Variants in EEPD1 observed in about 807,000 individuals in gnomAD.
EEPD1 encodes endonuclease/exonuclease/phosphatase family domain containing 1, also known as endonuclease/exonuclease/phosphatase family domain-containing protein 1.
EEPD1 carries 17 observed loss-of-function variants against 46.3 expected under a neutral mutation model. The ratio of observed to expected loss-of-function variants is 0.37; its 90% CI spans 0.25 to 0.55. EEPD1 has a LOEUF of 0.55. Among genes scored for constraint, EEPD1 ranks in the 20% least tolerant of loss-of-function variants. EEPD1 has a pLI of 0.83. For missense variants in EEPD1, 673 were observed against 745.6 expected (o/e 0.90, Z 1.13); for synonymous variants, 313 against 315.6 (o/e 0.99, Z 0.09).
chr7:36,182,654 C>T (rs1034894597), intron 2 of EEPD1, among the ~76,000 whole-genome samples: 4 of 152,262 alleles, frequency 2.6e-5, no homozygotes, highest in African/African-American at 7.2e-5. Context: ...TTCACCTCTA[C>T]AAGGAGGGTG....
chr7:36,285,269 G>A (rs1583478799), intron 5 of EEPD1, among the ~76,000 whole-genome samples: 1 of 152,196 alleles, frequency 6.6e-6, no homozygotes, highest in Admixed American at 6.5e-5. Context: ...GGAATGGCTG[G>A]ATTCAAGGGC....
At chr7:36,286,287 A>T (rs1787341438) in intron 5 of EEPD1, among the ~76,000 whole-genome samples, 1 of 152,206 alleles carries the variant, frequency 6.6e-6, no homozygotes. Flanking sequence ...GATGGGGCTC[A>T]TCTCCTCAGG....
chr7:36,250,471 G>A (rs1024307291), intron 3 of EEPD1, among the ~76,000 whole-genome samples: 5 of 152,066 alleles, frequency 3.3e-5, no homozygotes, highest in African/African-American at 1.2e-4. Flanking sequence ...AACAACCTAT[G>A]GCCAGTCTGC....
rs1405495180 is a variant in EEPD1, at chr7:36,287,642, G to C, written c.1180G>C (p.Gly394Arg). The C allele has an allele frequency of 6.2e-7, 1 of 1,613,500 alleles. No homozygotes were observed. Among genetic ancestry groups the C allele is most frequent in the Non-Finnish European group, 8.5e-7 (1 of 1,179,692 alleles). Residue 394 changes from glycine to arginine, a missense_variant, in exon 6 of 8, where the codon GGA (glycine) becomes CGA (arginine). Physicochemically the swap from Gly to Arg is moderately radical, Grantham distance 125. Transcript: ENST00000242108. ...TGCTTTGTTTCCTGCTGCCTAGGTGGGAAGTCACGACCTGACCCTTGTTAA... is the reference window on the plus strand; with the variant it reads ...TGCTTTGTTTCCTGCTGCCTAGGTGCGAAGTCACGACCTGACCCTTGTTAA... Reference protein sequence around the residue: ...PSPYLGRFKVGSHDLTLVNLH... With the variant: ...PSPYLGRFKVRSHDLTLVNLH...
At chr7:36,191,866 A>C (rs1785466858) in intron 2 of EEPD1, among the ~76,000 whole-genome samples, 1 of 152,170 alleles carries the variant, frequency 6.6e-6, no homozygotes, top group Admixed American at 6.5e-5. Flanking sequence ...CAGGAACTGC[A>C]GTCTTTTCTG....
chr7:36,208,984 A>AGAGCGCAGACCTG (rs1562687458), intron 2 of EEPD1, among the ~76,000 whole-genome samples: 1 of 152,232 alleles, frequency 6.6e-6, no homozygotes, highest in Non-Finnish European at 1.5e-5. Context: ...CTGGAGAGGT[A>AGAGCGCAGACCTG]GAGCGCAGAC....
chr7:36,273,027 G>T (rs1016905467), intron 3 of EEPD1, among the ~76,000 whole-genome samples: 3 of 152,100 alleles, frequency 2.0e-5, no homozygotes, highest in African/African-American at 7.2e-5. Context: ...GGGTCATCAG[G>T]GCCTATGTGA....
chr7:36,268,674 T>A (rs1323786572), intron 3 of EEPD1, among the ~76,000 whole-genome samples: 1 of 152,124 alleles, frequency 6.6e-6, no homozygotes. Flanking sequence ...AGGTGTGGAA[T>A]GTCGAAGGGG....
At chr7:36,208,927 C>T (rs1326692466) in intron 2 of EEPD1, among the ~76,000 whole-genome samples, 3 of 152,202 alleles carry the variant, frequency 2.0e-5, no homozygotes, top group African/African-American at 7.2e-5. Context: ...TGTGGTTTAA[C>T]AAGCTCCTGG....
intron 2 of EEPD1, among the ~76,000 whole-genome samples, chr7:36,217,440 T>C (rs1786047906): frequency 6.6e-6 from 1 of 152,192 alleles, no homozygotes; most frequent in African/African-American, 2.4e-5. Context: ...CCATCTTGGT[T>C]TTGGTAGGGT....
Position 36,193,641 on chromosome 7 carries a change from C to T in EEPD1, c.878+38439C>T, listed in dbSNP as rs142878624. Among the ~76,000 whole-genome samples, 1 of 152,304 alleles carries T rather than the reference C, an allele frequency of 6.6e-6. No individual in the cohort carries two copies. Among genetic ancestry groups the T allele is most frequent in the East Asian group, 1.9e-4 (1 of 5,172 alleles). On this transcript the variant is annotated intron_variant, in intron 2 of 7. Transcript: ENST00000242108. The surrounding 1 kb of genome is among the most constrained non-coding windows in gnomAD (Gnocchi z 4.9). ...TCCAGGGACCACGGCCTTCAGATGGCCCTGCCTGTGGACACTGCGAGTATT... is the reference window on the plus strand; with the variant it reads ...TCCAGGGACCACGGCCTTCAGATGGTCCTGCCTGTGGACACTGCGAGTATT...
intron 3 of EEPD1, among the ~76,000 whole-genome samples, chr7:36,258,885 G>GA (rs35478776): frequency 0.19 from 22,383 of 114,968 alleles, 2,353 homozygotes; most frequent in Non-Finnish European, 0.25. Context: ...ACTGGGGTAT[G>GA]AAAAAAAAAA....
Position 36,154,872 on chromosome 7 carries a change from T to A in EEPD1, c.548T>A (p.Ile183Asn). ...SVEDLVRMDGINAAFLDRIRH... is the reference protein window; with the variant it reads ...SVEDLVRMDGNNAAFLDRIRH... ...GAGGACCTAGTGAGGATGGATGGTA[T>A]CAATGCCGCCTTCCTGGACAGGATC... The change falls in exon 2 of 8, where the codon ATC becomes AAC. Residue 183 changes from isoleucine to asparagine, a missense_variant. Ile to Asn is a moderately radical substitution (Grantham distance 149). Coordinates refer to ENST00000242108, the MANE Select transcript of EEPD1 (RefSeq NM_030636.3). The surrounding 1 kb of genome is among the most constrained non-coding windows in gnomAD (Gnocchi z 4.2). The A allele has an allele frequency of 1.2e-6, 2 of 1,614,128 alleles. No individual in the cohort carries two copies. Among genetic ancestry groups the A allele is most frequent in the South Asian group, 2.2e-5 (2 of 91,082 alleles).
intron 2 of EEPD1, among the ~76,000 whole-genome samples, chr7:36,157,399 A>G (rs1316733330): frequency 6.6e-6 from 1 of 152,256 alleles, no homozygotes; most frequent in African/African-American, 2.4e-5. Flanking sequence ...GGCTGGCCTC[A>G]GCGCTGGCTC....
chr7:36,178,465 A>G (rs139799469), intron 2 of EEPD1, among the ~76,000 whole-genome samples: 1 of 152,312 alleles, frequency 6.6e-6, no homozygotes, highest in Non-Finnish European at 1.5e-5. Context: ...TCCTCATCTC[A>G]TGATTCCTCC....
chr7:36,232,783 G>A (rs1435791036), intron 2 of EEPD1, among the ~76,000 whole-genome samples: 1 of 151,602 alleles, frequency 6.6e-6, no homozygotes, highest in Non-Finnish European at 1.5e-5. Context: ...CTAGAGGACA[G>A]TAACTCATGA....
chr7:36,180,342 A>G (rs1054665556), intron 2 of EEPD1, among the ~76,000 whole-genome samples: 1 of 152,046 alleles, frequency 6.6e-6, no homozygotes, highest in Non-Finnish European at 1.5e-5. Flanking sequence ...GGCAGAGGGG[A>G]TGAGGCAACA....
intron 2 of EEPD1, among the ~76,000 whole-genome samples, chr7:36,204,479 T>G (rs891322630): frequency 1.3e-5 from 2 of 152,218 alleles, no homozygotes; most frequent in African/African-American, 4.8e-5. Flanking sequence ...AGCCGTGCCC[T>G]ATGCCAAACC....
chr7:36,157,053 A>G (rs2115591173), intron 2 of EEPD1, among the ~76,000 whole-genome samples: 1 of 152,356 alleles, frequency 6.6e-6, no homozygotes, highest in South Asian at 2.1e-4. Flanking sequence ...CAGTATGGTA[A>G]CTATTTACAT....
Sources: gnomAD v4.1 joint callset for allele counts (sites outside exome capture counted in the v4.1 genomes callset) on GRCh38, gnomAD v4.1.1 for gene constraint, Gnocchi (gnomAD v3.1) non-coding constraint, MANE v1.5 for transcripts, NCBI Gene and HGNC (gene_info 2026-07-23, HGNC 2026-07-21) for gene names.